The following PLCG2 variants were observed in gnomAD, a reference collection of about 807,000 sequenced individuals.
The protein encoded by PLCG2 is phospholipase C gamma 2.
Under a neutral mutation model 175.6 loss-of-function variants are expected in PLCG2, and 69 were observed. That is an observed-to-expected ratio of 0.39 (90% CI 0.32 to 0.48). The LOEUF is 0.48. Ranked by LOEUF, PLCG2 falls within the 20% of genes least tolerant of loss-of-function variation. The pLI, the probability that PLCG2 is intolerant of heterozygous loss-of-function variation, is 0.91. For synonymous variants in PLCG2, 827 were observed against 624.0 expected, an observed-to-expected ratio of 1.33 and a Z score of -4.85; for missense variants, 1,798 against 1,650.9, an observed-to-expected ratio of 1.09 and a Z score of -1.54.
intron 2 of PLCG2, among the ~76,000 whole-genome samples, chr16:81,821,871 G>GTT (rs553131341): frequency 0.1 from 15,132 of 146,182 alleles, 825 homozygotes; most frequent in Middle Eastern, 0.15. Flanking sequence ...GATCCAAGAT[G>GTT]TTTTTTTTTT....
intron 1 of PLCG2, among the ~76,000 whole-genome samples, chr16:81,780,518 AG>A (rs2143148442): frequency 6.6e-6 from 1 of 152,292 alleles, no homozygotes; most frequent in Non-Finnish European, 1.5e-5. Context: ...TCTCTTGCAA[AG>A]GTGTGTGTGC....
At chr16:81,877,250 C>T (rs558127286) in intron 7 of PLCG2, among the ~76,000 whole-genome samples, 9 of 152,270 alleles carry the variant, frequency 5.9e-5, no homozygotes, top group Admixed American at 2.0e-4. Flanking sequence ...GTCAGGAGAT[C>T]GAGACCATCC....
In PLCG2 at chr16:81,883,319, G is replaced by C. The variant is rs1328979532; in HGVS notation, c.743G>C (p.Arg248Thr). The change falls in exon 9 of 33, where the codon AGG (arginine) becomes ACG (threonine). Residue 248 changes from arginine (R) to threonine (T), a missense_variant. By Grantham distance (71) the Arg-to-Thr change is moderately conservative. Transcript: ENST00000564138. Reference sequence around the variant, plus strand: ...GCTGTTTACCTGCATGACTTCCAGAGGTTTCTCATACATGAACAGCAGGTG... The same window carrying C: ...GCTGTTTACCTGCATGACTTCCAGACGTTTCTCATACATGAACAGCAGGTG... ...ASAVYLHDFQ[R>T]FLIHEQQEHW... 1.9e-6 allele frequency: 3 copies of C among 1,613,996 alleles called. No individual in the cohort carries two copies. Among genetic ancestry groups the C allele is most frequent in the African/African-American group, 1.3e-5 (1 of 74,922 alleles).
chr16:81,893,924 G>T, intron 12 of PLCG2, 130 bp downstream of exon 12: 1 of 518,434 alleles, frequency 1.9e-6, no homozygotes, highest in Non-Finnish European at 3.4e-6. Context: ...TATTTATGGA[G>T]TTAGAGTGTG....
At chr16:81,937,577 C>T (rs1476567169) in intron 27 of PLCG2, 181 bp from the exon 28 acceptor site, 4 of 439,056 alleles carry the variant, frequency 9.1e-6, no homozygotes, top group South Asian at 5.8e-5. Context: ...AAGGTGTTCC[C>T]CAGTCTGGGA....
At chr16:81,866,273 G>C (rs1397327447) in intron 5 of PLCG2, among the ~76,000 whole-genome samples, 1 of 133,632 alleles carries the variant, frequency 7.5e-6, no homozygotes, top group Non-Finnish European at 1.6e-5. Context: ...GCACCAGCAT[G>C]AGAGGATGCT....
At chr16:81,940,658 G>GGGTCATACA (rs1567542777) in intron 30 of PLCG2, among the ~76,000 whole-genome samples, 1 of 151,954 alleles carries the variant, frequency 6.6e-6, no homozygotes, top group African/African-American at 2.4e-5. Context: ...TGGGTCATAC[G>GGGTCATACA]ACCAGCTCTT....
intron 2 of PLCG2, among the ~76,000 whole-genome samples, chr16:81,794,274 G>A (rs1244809432): frequency 6.6e-6 from 1 of 151,852 alleles, no homozygotes; most frequent in African/African-American, 2.4e-5. Flanking sequence ...TTCTTTTCAT[G>A]GAAAAAATGA....
chr16:81,939,846 G>C (rs571991087), intron 29 of PLCG2, 46 bp from the exon 30 acceptor site: 7 of 1,342,150 alleles, frequency 5.2e-6, no homozygotes, highest in Middle Eastern at 1.9e-4. Flanking sequence ...TTACCAGAAG[G>C]GGGCAGCTCC....
intron 7 of PLCG2, among the ~76,000 whole-genome samples, chr16:81,876,008 TTTTC>T (rs1054000402): frequency 7.0e-5 from 10 of 141,944 alleles, no homozygotes; most frequent in Non-Finnish European, 3.1e-5. Flanking sequence ...TAGCTTTTCT[TTTTC>T]TTTCTTTTTT....
chr16:81,937,629 C>A, intron 27 of PLCG2, 129 bp from the exon 28 acceptor site: 1 of 690,230 alleles, frequency 1.4e-6, no homozygotes, highest in Non-Finnish European at 2.4e-6. Flanking sequence ...GAGTGAGATA[C>A]CTATTTGAAC....
chr16:81,809,957 T>C (rs183214349), intron 2 of PLCG2, among the ~76,000 whole-genome samples: 1 of 152,216 alleles, frequency 6.6e-6, no homozygotes, highest in East Asian at 1.9e-4. Context: ...TCTTCATCTT[T>C]CTGCCAGTCT....
At chr16:81,878,473 C>A (rs1234456939) in intron 7 of PLCG2, among the ~76,000 whole-genome samples, 1 of 152,186 alleles carries the variant, frequency 6.6e-6, no homozygotes, top group Non-Finnish European at 1.5e-5. Flanking sequence ...CTAGCTATAA[C>A]TTTTTCTATC....
At chr16:81,822,761 CAAAAAAAAAA>C (rs59970301) in intron 2 of PLCG2, among the ~76,000 whole-genome samples, 3 of 69,844 alleles carry the variant, frequency 4.3e-5, no homozygotes, top group Non-Finnish European at 7.1e-5. Flanking sequence ...GACTCCATCT[CAAAAAAAAAA>C]AAAAAAAAAA....
At chr16:81,803,376 T>C (rs1911830006) in intron 2 of PLCG2, among the ~76,000 whole-genome samples, 1 of 152,092 alleles carries the variant, frequency 6.6e-6, no homozygotes, top group South Asian at 2.1e-4. Context: ...TCGTTCATAT[T>C]GTAGCATATT....
chr16:81,741,059 C>T (rs1909583321), intron 1 of PLCG2, among the ~76,000 whole-genome samples: 1 of 152,254 alleles, frequency 6.6e-6, no homozygotes, highest in Non-Finnish European at 1.5e-5. Flanking sequence ...TCCCCTTCCT[C>T]CATAGACCAG....
chr16:81,774,890 C>T (rs953690951), upstream of PLCG2, among the ~76,000 whole-genome samples: 4 of 151,894 alleles, frequency 2.6e-5, no homozygotes, highest in South Asian at 2.1e-4. Flanking sequence ...GACTCAGGCT[C>T]ACTCCACCAG....
In PLCG2 at chr16:81,861,524, C is replaced by T. The variant is rs1347844938; in HGVS notation, c.479+2361C>T. 1.6e-4 allele frequency among the ~76,000 whole-genome samples: 24 copies of T among 152,240 alleles called. 1 individual carries two copies. The highest frequency in any genetic ancestry group is 7.3e-5 in the Non-Finnish European group (5 of 68,044). On this transcript the variant is annotated intron_variant, in intron 5 of 32. Transcript: ENST00000564138. ...TTTTCTGTCCACCTGCCTTTCTCTC[C>T]GTCCTCTTCTTCTCATCCAAAATGC...
chr16:81,785,006 T>C (rs1400211427), intron 1 of PLCG2, among the ~76,000 whole-genome samples: 1 of 152,156 alleles, frequency 6.6e-6, no homozygotes, highest in Non-Finnish European at 1.5e-5. Context: ...TCTAAAAGGA[T>C]CCTTCTGGCT....
Sources: allele counts gnomAD v4.1 joint callset (sites outside exome capture counted in the v4.1 genomes callset), GRCh38; gene constraint gnomAD v4.1.1; transcripts MANE v1.5; gene names NCBI Gene and HGNC (gene_info 2026-07-23, HGNC 2026-07-21).